The following NETO1 variants were observed in gnomAD, a reference collection of about 807,000 sequenced individuals.
The protein encoded by NETO1 is neuropilin and tolloid-like protein 1.
NETO1 carries 26 observed loss-of-function variants against 61.3 expected under a neutral mutation model. That is an observed-to-expected ratio of 0.42 (90% CI 0.31 to 0.59). The LOEUF is 0.59. Among genes scored for constraint, NETO1 ranks in the 20% least tolerant of loss-of-function variants. The pLI, the probability that NETO1 is intolerant of heterozygous loss-of-function variation, is 0.12. For synonymous variants in NETO1, 225 were observed against 225.8 expected (o/e 1.00, Z 0.03); for missense variants, 531 against 662.8 (o/e 0.80, Z 2.18).
chr18:72,822,351 G>C (rs934990135), intron 4 of NETO1, among the ~76,000 whole-genome samples: 1 of 152,160 alleles, frequency 6.6e-6, no homozygotes, highest in Admixed American at 6.5e-5. Flanking sequence ...CCAGGAAGCT[G>C]CCTGGGAAAG....
intron 4 of NETO1, among the ~76,000 whole-genome samples, chr18:72,816,294 T>G (rs1307482673): frequency 6.6e-6 from 1 of 152,168 alleles, no homozygotes; most frequent in African/African-American, 2.4e-5. Context: ...ACTTCTCAAC[T>G]AGGTTTGAAA....
At chr18:72,752,354 G>C (rs2145087957) in intron 8 of NETO1, among the ~76,000 whole-genome samples, 1 of 152,306 alleles carries the variant, frequency 6.6e-6, no homozygotes, top group South Asian at 2.1e-4. Flanking sequence ...CAACAGAGGT[G>C]ATAGCTAAAT....
chr18:72,791,786 G>T (rs563289298), intron 6 of NETO1, among the ~76,000 whole-genome samples: 1 of 152,216 alleles, frequency 6.6e-6, no homozygotes, highest in African/African-American at 2.4e-5. Context: ...TAGAGTCTAA[G>T]AAAAATAAAT....
Position 72,794,384 on chromosome 18 carries a change from C to T in NETO1, c.490G>A (p.Gly164Arg). 5 of 1,612,354 alleles carry T rather than the reference C, an allele frequency of 3.1e-6. No homozygotes were observed. The highest frequency in any genetic ancestry group is 4.2e-6 in the Non-Finnish European group (5 of 1,179,664). The stretch of plus-strand genomic sequence containing the variant: ...CAACCTGGTAATGGTTTCAAAGCTC[C>T]AAGGTCCTTAAAGTCAGGATCTTAA... ...FTPDPDFKDL[G>R]ALKPLPACEF... Residue 164 changes from glycine (G) to arginine (R), a missense_variant, in exon 5 of 11, where the codon GGA (glycine) becomes AGA (arginine). Physicochemically the swap from Gly to Arg is moderately radical, Grantham distance 125 (BLOSUM62 -2). Coordinates refer to ENST00000327305, the MANE Select transcript of NETO1 (RefSeq NM_138966.5).
intron 4 of NETO1, among the ~76,000 whole-genome samples, chr18:72,816,658 C>A (rs1410676864): frequency 6.6e-6 from 1 of 152,158 alleles, no homozygotes; most frequent in Non-Finnish European, 1.5e-5. Flanking sequence ...GGCAACCGTG[C>A]CTGGATGGAT....
chr18:72,788,609 T>C (rs17086309), intron 6 of NETO1, among the ~76,000 whole-genome samples: 1,663 of 151,908 alleles, frequency 0.011, 33 homozygotes, highest in African/African-American at 0.038. Context: ...ACTAGTAAAA[T>C]AGATTATCAT....
At chr18:72,865,162 AC>A in intron 2 of NETO1, 25 bp downstream of exon 2, 1 of 1,602,752 alleles carries the variant, frequency 6.2e-7, no homozygotes, top group Non-Finnish European at 8.5e-7. Flanking sequence ...GAGGTCTTCC[AC>A]TAGCATTTTT....
chr18:72,790,195 A>G, intron 6 of NETO1, among the ~76,000 whole-genome samples: 1 of 151,984 alleles, frequency 6.6e-6, no homozygotes, highest in East Asian at 1.9e-4. Flanking sequence ...ACATATTTTG[A>G]CTCTGTCCCG....
intron 7 of NETO1, among the ~76,000 whole-genome samples, chr18:72,773,614 T>C (rs2071449139): frequency 6.6e-6 from 1 of 152,062 alleles, no homozygotes. Context: ...CGATAGTGAG[T>C]GAGTTCTCAG....
intron 9 of NETO1, 130 bp from the exon 10 acceptor site, chr18:72,749,218 CAT>C (rs1296437092): frequency 8.2e-6 from 5 of 607,344 alleles, no homozygotes; most frequent in South Asian, 2.1e-5. Context: ...GCATGCAAAA[CAT>C]ATCAAATCAA....
chr18:72,768,799 C>A (rs2071248885), intron 7 of NETO1, among the ~76,000 whole-genome samples: 1 of 152,176 alleles, frequency 6.6e-6, no homozygotes, highest in Admixed American at 6.5e-5. Context: ...ACACTGGAGC[C>A]TCTTATGGGG....
At chr18:72,825,103 T>C (rs1219944160) in intron 4 of NETO1, among the ~76,000 whole-genome samples, 3 of 152,104 alleles carry the variant, frequency 2.0e-5, no homozygotes, top group African/African-American at 7.2e-5. Flanking sequence ...CAATTTAGGA[T>C]ATGATGTTAT....
chr18:72,835,531 C>T (rs542634176), intron 4 of NETO1, among the ~76,000 whole-genome samples: 1 of 152,090 alleles, frequency 6.6e-6, no homozygotes. Flanking sequence ...AAAGCTAAGA[C>T]ATAGATTCAA....
intron 4 of NETO1, among the ~76,000 whole-genome samples, chr18:72,833,773 T>A (rs781057422): frequency 1.1e-4 from 17 of 152,184 alleles, no homozygotes; most frequent in Admixed American, 7.9e-4. Context: ...ATTAATGCCT[T>A]CTTTGGGGGC....
chr18:72,815,073 C>T (rs1301940861), intron 4 of NETO1, among the ~76,000 whole-genome samples: 1 of 152,088 alleles, frequency 6.6e-6, no homozygotes, highest in African/African-American at 2.4e-5. Context: ...CAAAAATGCT[C>T]AACTATTTTG....
chr18:72,798,826 C>T (rs988681787), intron 4 of NETO1, among the ~76,000 whole-genome samples: 2 of 152,208 alleles, frequency 1.3e-5, no homozygotes, highest in Admixed American at 6.5e-5. Context: ...AAGAGTCCTA[C>T]TTAAATTACA....
At chr18:72,765,999 G>C (rs1486808024) in intron 7 of NETO1, among the ~76,000 whole-genome samples, 1 of 152,088 alleles carries the variant, frequency 6.6e-6, no homozygotes, top group Non-Finnish European at 1.5e-5. Context: ...TTGAGGTCAG[G>C]AGTTCAAGAC....
intron 4 of NETO1, among the ~76,000 whole-genome samples, chr18:72,813,806 C>T (rs1292987150): frequency 1.3e-5 from 2 of 151,874 alleles, no homozygotes; most frequent in Non-Finnish European, 2.9e-5. Context: ...AGACACTAAT[C>T]TTATCAGGTT....
Position 72,747,524 on chromosome 18 carries a change from A to G in NETO1, c.*655T>C, listed in dbSNP as rs184102829. On this transcript the variant is annotated 3_prime_UTR_variant, in exon 11 of 11. Coordinates refer to ENST00000327305, the MANE Select transcript of NETO1 (RefSeq NM_138966.5). ...TCTGAAACTCAGTACTTTCTTTGAT[A>G]TAAAACAAAAAGGAAATCAGGGGTA... 283 of 152,250 alleles carry G rather than the reference A, an allele frequency of 1.9e-3. 2 individuals carry two copies. Among genetic ancestry groups the G allele is most frequent in the African/African-American group, 6.3e-3 (262 of 41,570 alleles). 9.4% of individuals were successfully genotyped at this position (152,250 alleles called of 1,614,324 possible).
Sources: gnomAD v4.1 joint callset for allele counts (sites outside exome capture counted in the v4.1 genomes callset) on GRCh38, gnomAD v4.1.1 for gene constraint, MANE v1.5 for transcripts, NCBI Gene and HGNC (gene_info 2026-07-23, HGNC 2026-07-21) for gene names.